Variants in PNKP observed in about 807,000 individuals in gnomAD.
PNKP encodes bifunctional polynucleotide phosphatase/kinase.
A neutral mutation model predicts 66.2 loss-of-function variants in PNKP; 82 were observed. The observed-to-expected ratio is 1.24, with a 90% CI of 1.04 to 1.49. The LOEUF (loss-of-function observed/expected upper bound fraction) is 1.49. Ranked by LOEUF, PNKP falls within the 40% of genes most tolerant of loss-of-function variation. The pLI is 0.00. For synonymous variants in PNKP, 412 were observed against 298.9 expected (o/e 1.38, Z -3.90); for missense variants, 907 against 706.8 (o/e 1.28, Z -3.21).
intron 12 of PNKP, 24 bp downstream of exon 12, chr19:49,862,161 C>G: frequency 6.2e-6 from 10 of 1,613,312 alleles, no homozygotes; most frequent in African/African-American, 1.3e-5. Flanking sequence ...GCTCAGGGCA[C>G]GCGCACAGGA....
chr19:49,864,885 G>A (rs760251660), intron 4 of PNKP, among the ~76,000 whole-genome samples: 6 of 152,174 alleles, frequency 3.9e-5, no homozygotes, highest in East Asian at 1.9e-4. Context: ...AATCCTCATC[G>A]TAATAGCTCC....
rs747689609 is a variant in PNKP at position 49,861,365 on chromosome 19, C to G, written c.1449G>C (p.Arg483Ser). 1.2e-5 allele frequency: 19 copies of G among 1,614,080 alleles called. No individual in the cohort carries two copies. The highest frequency in any genetic ancestry group is 1.5e-5 in the Non-Finnish European group (18 of 1,179,894). ...CCAGCGTTGGGGCCTCGAACTGCTTCCTGGCAGTGGTGGGAACAGTGAGGG... is the reference window on the plus strand; with the variant it reads ...CCAGCGTTGGGGCCTCGAACTGCTTGCTGGCAGTGGTGGGAACAGTGAGGG... ...PVSDMVMYGY[R>S]KQFEAPTLAE... Residue 483 changes from arginine (R) to serine (S), a missense_variant and splice_region_variant, in exon 17 of 17, where the codon AGG (arginine) becomes AGC (serine). Coordinates refer to ENST00000322344, the MANE Select transcript of PNKP (RefSeq NM_007254.4).
At chr19:49,866,212 C>T in intron 3 of PNKP, 187 bp downstream of exon 3, 1 of 678,886 alleles carries the variant, frequency 1.5e-6, no homozygotes, top group Admixed American at 1.9e-5. Context: ...GTCGCTCAGG[C>T]TGGTCTCGAA....
rs2074800186 is a variant in PNKP at position 49,864,062 on chromosome 19, A to G, written c.646T>C (p.Phe216Leu). The G allele has an allele frequency of 6.2e-7, 1 of 1,613,722 alleles. No homozygotes were observed. Among genetic ancestry groups the G allele is most frequent in the South Asian group, 1.1e-5 (1 of 91,064 alleles). ...LEAEGYKLVI[F>L]TNQMSIGRGK... ...CGCCCGATGCTCATCTGGTTGGTGA[A>G]GATCACCAGCTGGGGAGCAAAGGGT... Residue 216 changes from phenylalanine (F) to leucine (L), a missense_variant, in exon 7 of 17, where the codon TTC becomes CTC. Phe to Leu is a conservative substitution (Grantham distance 22). Transcript: ENST00000322344.
chr19:49,865,096 C>T (rs757682631), intron 4 of PNKP, 31 bp downstream of exon 4: 15 of 1,598,338 alleles, frequency 9.4e-6, no homozygotes, highest in African/African-American at 9.4e-5. Context: ...CAGTCTGTGG[C>T]GGCTCCCTCA....
At chr19:49,863,912 G>C (rs375384818) in intron 7 of PNKP, 52 bp downstream of exon 7, 1 of 1,486,662 alleles carries the variant, frequency 6.7e-7, no homozygotes, top group Non-Finnish European at 9.4e-7. Context: ...TAAAGCCCTC[G>C]CTCTGGATCT....
In PNKP at chr19:49,867,461, G is replaced by A. The variant is rs2074830601; in HGVS notation, c.-14+8C>T. On this transcript the variant is annotated splice_region_variant and intron_variant, in intron 1 of 16. Coordinates refer to ENST00000322344, the MANE Select transcript of PNKP (RefSeq NM_007254.4). ...CTCGCACATGCCTCCGCCCCGCCCC[G>A]TACTCACCCGGGACCGCGGCTTGGG... 1.8e-5 allele frequency: 10 copies of A among 550,172 alleles called. No individual in the cohort carries two copies. In the Admixed American group the frequency reaches 1.9e-4, roughly 11 times the overall value. The allele number at this position is 550,172 out of a possible 1,614,324, so 34.1% of individuals were successfully genotyped here.
rs1056754589 is a variant in PNKP, at chr19:49,864,324, C to T, written c.578G>A (p.Arg193Lys). 1.9e-6 allele frequency: 3 copies of T among 1,613,624 alleles called. No individual in the cohort carries two copies. The highest frequency in any genetic ancestry group is 2.5e-6 in the Non-Finnish European group (3 of 1,179,534). Reference protein sequence around the residue: ...KVFPTGPSDWRILYPEIPRKL... With the variant: ...KVFPTGPSDWKILYPEIPRKL... ...ACTCCCTTGTTTTGCCTCTTATCAC[C>T]TCCAGTCACTGGGGCCAGTGGGAAA... The change falls in exon 5 of 17, where the codon AGG (arginine) becomes AAG (lysine). Residue 193 changes from arginine to lysine, a missense_variant and splice_region_variant. Coordinates refer to ENST00000322344, the MANE Select transcript of PNKP (RefSeq NM_007254.4).
rs142199280 is a variant in PNKP at position 49,861,317 on chromosome 19, C to T, written c.1497G>A (p.Leu499=). The change falls in exon 17 of 17, where the codon CTG becomes CTA. Residue 499 remains leucine, a synonymous_variant. Transcript: ENST00000322344. ...CCACCCATAGCCGGAACGGGATCTCCAGGATGGCAGAGAAGCCTTCAGCCA... is the reference window on the plus strand; with the variant it reads ...CCACCCATAGCCGGAACGGGATCTCTAGGATGGCAGAGAAGCCTTCAGCCA... The part of the protein sequence containing the change: ...PTLAEGFSAI[L]EIPFRLWVEP... 7.4e-4 allele frequency: 1,187 copies of T among 1,614,164 alleles called. 3 individuals carry two copies. The highest frequency in any genetic ancestry group is 6.0e-3 in the African/African-American group (453 of 75,046).
chr19:49,861,578 C>A, intron 15 of PNKP, 30 bp downstream of exon 15: 1 of 1,557,548 alleles, frequency 6.4e-7, no homozygotes. Context: ...GGGGTGCAGC[C>A]CGGGGGGTGT....
At position 49,861,680 on chromosome 19, in the gene PNKP, G is replaced by A; in HGVS notation, c.1314C>T (p.Ala438=). 1 of 1,547,650 alleles carries A rather than the reference G, an allele frequency of 6.5e-7. No individual in the cohort carries two copies. The highest frequency in any genetic ancestry group is 8.7e-7 in the Non-Finnish European group (1 of 1,146,308). The change falls in exon 15 of 17, where the codon GCC becomes GCT. Residue 438 remains alanine, a synonymous_variant. Transcript: ENST00000322344. ...AASRARYVQC[A]RAAGVPCRCF... is the part of the protein sequence containing the mutation. The stretch of plus-strand genomic sequence containing the variant: ...AGCGGCAGGGGACGCCCGCGGCTCG[G>A]GCACACTGGACGTACCTGTGGGGGA...
chr19:49,866,295 C>G (rs991566226), intron 3 of PNKP, 104 bp downstream of exon 3: 11 of 1,097,448 alleles, frequency 1.0e-5, no homozygotes, highest in African/African-American at 7.7e-5. Flanking sequence ...CCACCACGCC[C>G]GGCCCCAATC....
Position 49,861,759 on chromosome 19 carries a change from GCGGTCACGCTAC to G in PNKP, c.1298+1_1298+12del. ...CCCGCCGCAGGCCACCTACGGCCCC[GCGGTCACGCTAC>G]CTGGCGCGGCTCGCGGCGTCTGGGT... is the stretch of plus-strand genomic sequence containing the variant. On this transcript the variant is annotated splice_donor_variant and splice_donor_5th_base_variant and intron_variant, in intron 14 of 16. Coordinates refer to ENST00000322344, the MANE Select transcript of PNKP (RefSeq NM_007254.4). LOFTEE classifies it high-confidence loss of function. The G allele has an allele frequency of 6.4e-7, 1 of 1,561,728 alleles. No individual in the cohort carries two copies. Among genetic ancestry groups the G allele is most frequent in the Non-Finnish European group, 8.7e-7 (1 of 1,154,176 alleles).
At chr19:49,862,795 C>T in intron 8 of PNKP, 57 bp from the exon 9 acceptor site, 2 of 1,590,390 alleles carry the variant, frequency 1.3e-6, no homozygotes, top group South Asian at 1.1e-5. Context: ...GCAGCGGTAG[C>T]GGGTCCCTGG....
At position 49,865,217 on chromosome 19, in the gene PNKP, C is replaced by G. The variant is rs770822417; in HGVS notation, c.408G>C (p.Pro136=). 1.9e-6 allele frequency: 3 copies of G among 1,614,118 alleles called. No homozygotes were observed. The highest frequency in any genetic ancestry group is 2.2e-5 in the East Asian group (1 of 44,900). ...SQDEKRDAEL[P]KKRMRKSNPG... is the part of the protein sequence containing the mutation. ...GGTTTGACTTCCGCATACGCTTCTTCGGCAGCTCAGCATCTCTCTTCTCAT... is the reference window on the plus strand; with the variant it reads ...GGTTTGACTTCCGCATACGCTTCTTGGGCAGCTCAGCATCTCTCTTCTCAT... Residue 136 remains proline, a synonymous_variant, in exon 4 of 17, where the codon CCG becomes CCC. Transcript: ENST00000322344.
intron 2 of PNKP, chr19:49,866,851 A>T: frequency 1.6e-6 from 1 of 636,022 alleles, no homozygotes; most frequent in Non-Finnish European, 2.8e-6. Context: ...ATCCTCCCTA[A>T]ATCGGCTCGA....
chr19:49,862,965 C>T (rs150411318), intron 8 of PNKP: 4 of 645,354 alleles, frequency 6.2e-6, no homozygotes, highest in African/African-American at 5.4e-5. Flanking sequence ...CACCTCCTCC[C>T]GTTCCCCACG....
rs1171213214 is a variant in PNKP, at chr19:49,861,767, G to A, written c.1298+5C>T. ...AGGCCACCTACGGCCCCGCGGTCAC[G>A]CTACCTGGCGCGGCTCGCGGCGTCT... On this transcript the variant is annotated splice_donor_5th_base_variant and intron_variant, in intron 14 of 16. Transcript: ENST00000322344. The A allele has an allele frequency of 3.2e-6, 5 of 1,567,184 alleles. No individual in the cohort carries two copies. The highest frequency in any genetic ancestry group is 4.3e-6 in the Non-Finnish European group (5 of 1,156,960).
At chr19:49,861,579 C>A in intron 15 of PNKP, 29 bp downstream of exon 15, 1 of 1,486,342 alleles carries the variant, frequency 6.7e-7, no homozygotes, top group East Asian at 2.5e-5. Flanking sequence ...GGGTGCAGCC[C>A]GGGGGGTGTC....
Sources: allele counts gnomAD v4.1 joint callset (sites outside exome capture counted in the v4.1 genomes callset), GRCh38; gene constraint gnomAD v4.1.1; transcripts MANE v1.5; gene names NCBI Gene and HGNC (gene_info 2026-07-23, HGNC 2026-07-21).